The following EIF4E3 variants were observed in gnomAD, a reference collection of about 807,000 sequenced individuals.
EIF4E3 encodes eukaryotic translation initiation factor 4E family member 3, also known as eukaryotic translation initiation factor 4E type 3.
EIF4E3 carries 26 observed loss-of-function variants against 31.7 expected under a neutral mutation model. The ratio of observed to expected loss-of-function variants is 0.82; its 90% CI spans 0.60 to 1.14. EIF4E3 has a LOEUF of 1.14. EIF4E3 is among the 50% of genes most tolerant of loss of function. The pLI, the probability that EIF4E3 is intolerant of heterozygous loss-of-function variation, is 0.00. For missense variants in EIF4E3, 304 were observed against 270.9 expected (o/e 1.12, Z -0.86); for synonymous variants, 128 against 107.7 (o/e 1.19, Z -1.17).
the EIF4E3 span, among the ~76,000 whole-genome samples, chr3:71,660,775 C>T: frequency 1.3e-5 from 2 of 152,156 alleles, no homozygotes; most frequent in Non-Finnish European, 2.9e-5. Context: ...TTCTGTTTTG[C>T]GGATGACAAG....
downstream of EIF4E3, among the ~76,000 whole-genome samples, chr3:71,672,678 T>C (rs542622763): frequency 1.3e-5 from 2 of 152,328 alleles, no homozygotes; most frequent in South Asian, 4.1e-4. Flanking sequence ...AGTGGAAGGA[T>C]GAACTTGGGC....
chr3:71,707,473 A>T (rs1327842362), intron 2 of EIF4E3, among the ~76,000 whole-genome samples: 4 of 152,204 alleles, frequency 2.6e-5, no homozygotes, highest in African/African-American at 9.7e-5. Context: ...CATCTCATCT[A>T]ACTTTCACTC....
At chr3:71,735,246 A>G (rs903930206) in intron 1 of EIF4E3, among the ~76,000 whole-genome samples, 8 of 152,340 alleles carry the variant, frequency 5.3e-5, no homozygotes, top group Admixed American at 2.6e-4. Context: ...TATTTTACAT[A>G]GGAGTACACA....
At chr3:71,697,145 A>T (rs1373322537) in intron 3 of EIF4E3, among the ~76,000 whole-genome samples, 1 of 152,062 alleles carries the variant, frequency 6.6e-6, no homozygotes, top group African/African-American at 2.4e-5. Flanking sequence ...CCTCCCAAGT[A>T]GCTGGGATTA....
At chr3:71,748,346 C>T (rs999267661) in intron 1 of EIF4E3, among the ~76,000 whole-genome samples, 9 of 152,078 alleles carry the variant, frequency 5.9e-5, no homozygotes, top group Non-Finnish European at 1.3e-4. Context: ...GATTTGGGTG[C>T]ACGCGGAGGC....
intron 2 of EIF4E3, among the ~76,000 whole-genome samples, chr3:71,702,314 A>C (rs1473598916): frequency 6.6e-6 from 1 of 152,080 alleles, no homozygotes; most frequent in African/African-American, 2.4e-5. Flanking sequence ...TAAGAGGAAA[A>C]CCCCTGCCTA....
intron 4 of EIF4E3, among the ~76,000 whole-genome samples, chr3:71,696,012 T>C (rs1005861570): frequency 1.3e-5 from 2 of 152,196 alleles, no homozygotes; most frequent in Admixed American, 6.5e-5. Flanking sequence ...CAAAGGATAG[T>C]GAAATGCCAA....
At chr3:71,750,789 A>G (rs1198721254) in intron 1 of EIF4E3, among the ~76,000 whole-genome samples, 2 of 144,688 alleles carry the variant, frequency 1.4e-5, no homozygotes. Flanking sequence ...TTTGAGACGG[A>G]GTCTCGCTCT....
In EIF4E3 at chr3:71,684,740, A is replaced by G. The variant is rs1332337691; in HGVS notation, c.629-12T>C. The G allele has an allele frequency of 3.7e-6, 6 of 1,612,056 alleles. No homozygotes were observed. The highest frequency in any genetic ancestry group is 5.1e-6 in the Non-Finnish European group (6 of 1,179,344). ...ATGCTCTTCATGGGCTAAAGGACAG[A>G]AAAAAAACAAAAAAGAAAAAAAGGA... is the stretch of plus-strand genomic sequence containing the variant. On this transcript the variant is annotated splice_polypyrimidine_tract_variant and intron_variant, in intron 6 of 6. Transcript: ENST00000425534.
upstream of EIF4E3, chr3:71,754,493 G>A: frequency 7.8e-7 from 1 of 1,286,022 alleles, no homozygotes; most frequent in Non-Finnish European, 9.8e-7. This position sits in a 1 kb window ranked among gnomAD's most constrained non-coding sequence, Gnocchi z 5.8. Flanking sequence ...GCGCCGCCTG[G>A]GCGCTGGCGC....
intron 1 of EIF4E3, among the ~76,000 whole-genome samples, chr3:71,738,140 T>G (rs1382137868): frequency 1.3e-5 from 2 of 152,178 alleles, no homozygotes; most frequent in Non-Finnish European, 2.9e-5. Flanking sequence ...TCATATCTCT[T>G]AGACTCAGAG....
At chr3:71,750,901 C>A (rs936947618) in intron 1 of EIF4E3, among the ~76,000 whole-genome samples, 2 of 151,680 alleles carry the variant, frequency 1.3e-5, no homozygotes, top group Non-Finnish European at 2.9e-5. Flanking sequence ...GTAGCTGGGA[C>A]TACAGGCGCC....
chr3:71,695,226 C>T (rs916792835), intron 4 of EIF4E3, among the ~76,000 whole-genome samples: 23 of 152,290 alleles, frequency 1.5e-4, no homozygotes, highest in African/African-American at 5.5e-4. Context: ...AGACTTCACC[C>T]TTCTGCTTTG....
chr3:71,710,890 C>A (rs12487980), intron 1 of EIF4E3, among the ~76,000 whole-genome samples: 105,212 of 152,062 alleles, frequency 0.69, 36,939 homozygotes, highest in African/African-American at 0.81. Context: ...GATATGTTTG[C>A]AAACTTGTTA....
chr3:71,666,550 T>C, the EIF4E3 span, among the ~76,000 whole-genome samples: 1 of 152,198 alleles, frequency 6.6e-6, no homozygotes, highest in Non-Finnish European at 1.5e-5. Context: ...TCTGAATCTA[T>C]TCCAAACAAT....
At chr3:71,696,644 C>T (rs569292621) in intron 3 of EIF4E3, 124 bp from the exon 4 acceptor site, 2 of 1,086,042 alleles carry the variant, frequency 1.8e-6, no homozygotes, top group Admixed American at 5.1e-5. Context: ...AATAGTTGGG[C>T]ATTTTTCTTA....
In EIF4E3 at chr3:71,681,511, C is replaced by T. The variant is rs1033966462; in HGVS notation, c.*3171G>A. 2 of 152,324 alleles carry T rather than the reference C, an allele frequency of 1.3e-5. No homozygotes were observed. The highest frequency in any genetic ancestry group is 2.1e-4 in the South Asian group (1 of 4,826). The allele number at this position is 152,324 out of a possible 1,614,324, so 9.4% of individuals were successfully genotyped here. A position where few individuals can be genotyped will look rare whatever the true frequency, so the allele number is the denominator to read the frequency against. On this transcript the variant is annotated 3_prime_UTR_variant, in exon 7 of 7. Coordinates refer to ENST00000425534, the MANE Select transcript of EIF4E3 (RefSeq NM_001134651.2). ...GAGAGAAGGAGGAGCTGTTTACAAACAGGATGTCTGATTACGGAGTTACAC... is the reference window on the plus strand; with the variant it reads ...GAGAGAAGGAGGAGCTGTTTACAAATAGGATGTCTGATTACGGAGTTACAC...
At chr3:71,674,912 A>G (rs1026137870), downstream of EIF4E3, among the ~76,000 whole-genome samples, 1 of 152,250 alleles carries the variant, frequency 6.6e-6, no homozygotes, top group Non-Finnish European at 1.5e-5. Flanking sequence ...ACAAGCGAAT[A>G]GAATTTCAAC....
intron 1 of EIF4E3, among the ~76,000 whole-genome samples, chr3:71,736,998 T>C (rs1280343015): frequency 6.6e-6 from 1 of 152,214 alleles, no homozygotes; most frequent in Non-Finnish European, 1.5e-5. Context: ...AAGAAAAATA[T>C]CAACAGCAAC....
Sources: gnomAD v4.1 joint callset for allele counts (sites outside exome capture counted in the v4.1 genomes callset) on GRCh38, gnomAD v4.1.1 for gene constraint, Gnocchi (gnomAD v3.1) non-coding constraint, MANE v1.5 for transcripts, NCBI Gene and HGNC (gene_info 2026-07-23, HGNC 2026-07-21) for gene names.